NCKAP5: variants seen among roughly 807,000 people sequenced by gnomAD.
NCKAP5 encodes nck-associated protein 5.
NCKAP5 carries 92 observed loss-of-function variants against 167.0 expected under a neutral mutation model. The observed-to-expected ratio is 0.55, with a 90% CI of 0.47 to 0.66. The LOEUF is 0.66. Ranked by LOEUF, NCKAP5 falls within the 30% of genes least tolerant of loss-of-function variation. The pLI, the probability that NCKAP5 is intolerant of heterozygous loss-of-function variation, is 0.00. For synonymous variants in NCKAP5, 891 were observed against 877.4 expected, an observed-to-expected ratio of 1.02 and a Z score of -0.27; for missense variants, 2,378 against 2,315.0, an observed-to-expected ratio of 1.03 and a Z score of -0.56.
intron 2 of NCKAP5, among the ~76,000 whole-genome samples, chr2:133,537,375 T>C (rs1322251136): frequency 2.0e-5 from 3 of 152,156 alleles, no homozygotes; most frequent in African/African-American, 7.2e-5. Context: ...ATTGAGTTTG[T>C]AGATCAATCT....
intron 3 of NCKAP5, among the ~76,000 whole-genome samples, chr2:133,382,530 C>T (rs1229889288): frequency 1.3e-5 from 2 of 152,116 alleles, no homozygotes; most frequent in African/African-American, 4.8e-5. Flanking sequence ...ACACTGGTCC[C>T]CTCTCACTTC....
intron 11 of NCKAP5, among the ~76,000 whole-genome samples, chr2:132,818,613 G>A (rs555205211): frequency 1.3e-5 from 2 of 152,184 alleles, no homozygotes; most frequent in Non-Finnish European, 2.9e-5. Context: ...ACTTGAACCC[G>A]GGAGGTGGTG....
chr2:133,080,762 A>G (rs1332360667), intron 6 of NCKAP5, among the ~76,000 whole-genome samples: 1 of 152,170 alleles, frequency 6.6e-6, no homozygotes, highest in African/African-American at 2.4e-5. Context: ...AGTAAAGCAA[A>G]TACAAATGTA....
chr2:132,895,208 G>A (rs1424941143), intron 8 of NCKAP5, among the ~76,000 whole-genome samples: 6 of 151,886 alleles, frequency 4.0e-5, no homozygotes, highest in Non-Finnish European at 5.9e-5. Context: ...GCGGGCGCCT[G>A]TAGTCCCAGC....
At chr2:133,037,972 G>A (rs532212159) in intron 6 of NCKAP5, among the ~76,000 whole-genome samples, 2 of 152,140 alleles carry the variant, frequency 1.3e-5, no homozygotes, top group South Asian at 4.1e-4. Flanking sequence ...AATAACAAAC[G>A]CTGGTGAGGA....
At chr2:132,691,710 G>A (rs1184245323) in intron 19 of NCKAP5, among the ~76,000 whole-genome samples, 2 of 151,994 alleles carry the variant, frequency 1.3e-5, no homozygotes, top group East Asian at 1.9e-4. Context: ...TGACATCTCC[G>A]ACCAGAAACA....
At chr2:133,090,065 T>G (rs2081119998) in intron 6 of NCKAP5, among the ~76,000 whole-genome samples, 2 of 152,010 alleles carry the variant, frequency 1.3e-5, no homozygotes, top group Non-Finnish European at 2.9e-5. Flanking sequence ...AAATGACCCC[T>G]GAAAAACATA....
intron 6 of NCKAP5, among the ~76,000 whole-genome samples, chr2:133,011,661 A>T (rs1465991166): frequency 1.3e-5 from 2 of 152,258 alleles, no homozygotes; most frequent in East Asian, 3.8e-4. Flanking sequence ...AGCCTTCATT[A>T]TCACACAGCA....
At chr2:133,263,717 T>C (rs2089033907) in intron 4 of NCKAP5, among the ~76,000 whole-genome samples, 1 of 152,136 alleles carries the variant, frequency 6.6e-6, no homozygotes, top group African/African-American at 2.4e-5. Flanking sequence ...AAAAATTATT[T>C]TAAAAAAGAG....
chr2:132,986,806 T>C (rs1012294154), intron 7 of NCKAP5, among the ~76,000 whole-genome samples: 2 of 152,172 alleles, frequency 1.3e-5, no homozygotes, highest in Admixed American at 6.6e-5. Context: ...GGAAGTTGTA[T>C]GGCAGACAAA....
intron 11 of NCKAP5, among the ~76,000 whole-genome samples, chr2:132,802,816 C>T (rs1000846816): frequency 4.6e-5 from 7 of 152,066 alleles, no homozygotes; most frequent in African/African-American, 1.7e-4. Flanking sequence ...CCATAAAAAC[C>T]CCAAAGTTTT....
intron 6 of NCKAP5, among the ~76,000 whole-genome samples, chr2:133,058,080 G>A (rs867241669): frequency 1.3e-5 from 2 of 152,132 alleles, no homozygotes; most frequent in Middle Eastern, 3.2e-3. Context: ...TTTCCATCAA[G>A]GCTTAGTAAA....
At chr2:133,134,331 T>C (rs931951919) in intron 5 of NCKAP5, among the ~76,000 whole-genome samples, 12 of 152,250 alleles carry the variant, frequency 7.9e-5, no homozygotes, top group African/African-American at 2.9e-4. Context: ...ATGTATTTTT[T>C]AACCACTGAA....
At chr2:133,413,953 G>A (rs191366515) in intron 3 of NCKAP5, among the ~76,000 whole-genome samples, 2 of 152,336 alleles carry the variant, frequency 1.3e-5, no homozygotes, top group East Asian at 1.9e-4. Flanking sequence ...CACACAATTT[G>A]TCTGGAGTTG....
intron 5 of NCKAP5, among the ~76,000 whole-genome samples, chr2:133,141,499 A>G (rs538504462): frequency 6.6e-6 from 1 of 152,122 alleles, no homozygotes; most frequent in South Asian, 2.1e-4. Context: ...GTGAATGGGT[A>G]TAATTATGTG....
chr2:133,383,461 T>C (rs1298842999), intron 3 of NCKAP5, among the ~76,000 whole-genome samples: 1 of 152,236 alleles, frequency 6.6e-6, no homozygotes, highest in Non-Finnish European at 1.5e-5. Flanking sequence ...ATCCAGTCTA[T>C]CATTGTTGGA....
intron 19 of NCKAP5, among the ~76,000 whole-genome samples, chr2:132,721,904 C>T (rs1385946810): frequency 6.6e-6 from 1 of 152,152 alleles, no homozygotes; most frequent in African/African-American, 2.4e-5. Context: ...TAGGACCTCA[C>T]CACCTTCTCC....
intron 19 of NCKAP5, among the ~76,000 whole-genome samples, chr2:132,709,230 TAAAA>T (rs937927241): frequency 5.5e-4 from 83 of 151,102 alleles, no homozygotes; most frequent in African/African-American, 1.7e-3. Context: ...CAAAAATAAA[TAAAA>T]AAGACAGAAG....
At chr2:133,368,817 A>C (rs1685613396) in intron 3 of NCKAP5, among the ~76,000 whole-genome samples, 1 of 152,248 alleles carries the variant, frequency 6.6e-6, no homozygotes, top group Non-Finnish European at 1.5e-5. Flanking sequence ...CTAAATCTCA[A>C]ATAAGAGAAT....
Sources: gnomAD v4.1 joint callset for allele counts (sites outside exome capture counted in the v4.1 genomes callset) on GRCh38, gnomAD v4.1.1 for gene constraint, MANE v1.5 for transcripts, NCBI Gene and HGNC (gene_info 2026-07-23, HGNC 2026-07-21) for gene names.